The following RSAD2 variants were observed in gnomAD, a reference collection of about 807,000 sequenced individuals.
RSAD2 encodes radical S-adenosyl methionine domain containing 2, also known as S-adenosylmethionine-dependent nucleotide dehydratase RSAD2.
A neutral mutation model predicts 37.7 loss-of-function variants in RSAD2; 38 were observed. The observed-to-expected ratio is 1.01, with a 90% CI of 0.78 to 1.32. The LOEUF is 1.32. Ranked by LOEUF, RSAD2 falls within the 40% of genes most tolerant of loss-of-function variation. The pLI is 0.00. For synonymous variants in RSAD2, 163 were observed against 157.4 expected (o/e 1.04, Z -0.27); for missense variants, 428 against 437.5 (o/e 0.98, Z 0.19).
rs374981029 is a variant in RSAD2 at position 6,893,769 on chromosome 2, G to A, written c.921+66G>A. On this transcript the variant is annotated intron_variant, in intron 5 of 5. Transcript: ENST00000382040. ...ATTAATTAGCAGTAATGGCAGAGTT[G>A]AGTTCCATGAGCATAACTATCTAGT... The A allele has an allele frequency of 1.7e-5, 19 of 1,102,122 alleles. No individual in the cohort carries two copies. In the African/African-American group the frequency reaches 2.2e-4, roughly 13 times the overall value. 68.3% of individuals were successfully genotyped at this position (1,102,122 alleles called of 1,614,324 possible). A position where few individuals can be genotyped will look rare whatever the true frequency, so the allele number is the denominator to read the frequency against.
At chr2:6,890,371 T>A in intron 4 of RSAD2, 46 bp downstream of exon 4, 9 of 1,597,382 alleles carry the variant, frequency 5.6e-6, no homozygotes, top group Non-Finnish European at 7.7e-6. Flanking sequence ...TACATTCAGA[T>A]TGATTCCCAA....
chr2:6,893,764 G>C, intron 5 of RSAD2, 61 bp downstream of exon 5: 3 of 1,205,870 alleles, frequency 2.5e-6, no homozygotes, highest in Non-Finnish European at 3.7e-6. Context: ...AGTAATGGCA[G>C]AGTTGAGTTC....
At chr2:6,890,059 C>G (rs1218412875) in intron 3 of RSAD2, 117 bp from the exon 4 acceptor site, 1 of 928,692 alleles carries the variant, frequency 1.1e-6, no homozygotes, top group Non-Finnish European at 1.6e-6. Flanking sequence ...TAGAATGTTC[C>G]TCAGCTCGTA....
At chr2:6,893,244 C>T (rs1220373337) in intron 4 of RSAD2, among the ~76,000 whole-genome samples, 7 of 78,896 alleles carry the variant, frequency 8.9e-5, no homozygotes, top group African/African-American at 1.1e-4. Context: ...TCAGGTAAAT[C>T]GACCCTTTAG....
rs762752686 is a variant in RSAD2 at position 6,877,881 on chromosome 2, C to T, written c.81C>T (p.Ser27=). 41 of 1,613,966 alleles carry T rather than the reference C, an allele frequency of 2.5e-5. No individual in the cohort carries two copies. The highest frequency in any genetic ancestry group is 3.4e-5 in the Non-Finnish European group (40 of 1,180,032). The change falls in exon 1 of 6, where the codon AGC becomes AGT. Residue 27 remains serine, a synonymous_variant. Coordinates refer to ENST00000382040, the MANE Select transcript of RSAD2 (RefSeq NM_080657.5). ...AACCTCTGAGCTCTCTGTGGAGGAGCCTGGTCCCGCTGTTCTGCTGGCTGA... is the reference window on the plus strand; with the variant it reads ...AACCTCTGAGCTCTCTGTGGAGGAGTCTGGTCCCGCTGTTCTGCTGGCTGA... ...FRQPLSSLWR[S]LVPLFCWLRA... is the part of the protein sequence containing the mutation.
intron 1 of RSAD2, among the ~76,000 whole-genome samples, chr2:6,872,439 A>G (rs1663217258): frequency 6.6e-6 from 1 of 152,184 alleles, no homozygotes; most frequent in South Asian, 2.1e-4. Flanking sequence ...TGAAAATTAG[A>G]GTTGCTAAGA....
chr2:6,876,770 G>T (rs548697650), upstream of RSAD2: 2 of 152,118 alleles, frequency 1.3e-5, no homozygotes, highest in African/African-American at 4.8e-5. Context: ...CTTAAAGTTT[G>T]CCAGGCACTA....
rs1663455868 is a variant in RSAD2 at position 6,883,479 on chromosome 2, T to A, written c.455T>A (p.Val152Glu). Reference protein sequence around the residue: ...FCKVELRLPSVSIVSNGSLIR... With the variant: ...FCKVELRLPSESIVSNGSLIR... ...AAAGTAGAGTTGCGGCTGCCCAGCG[T>A]GAGCATCGTGAGCAATGGAAGCCTG... The change falls in exon 2 of 6, where the codon GTG becomes GAG. Residue 152 changes from valine (V) to glutamate (E), a missense_variant. Physicochemically the swap from Val to Glu is moderately radical, Grantham distance 121 (BLOSUM62 -2). Transcript: ENST00000382040. 6.2e-7 allele frequency: 1 copy of A among 1,614,092 alleles called. No individual in the cohort carries two copies. Among genetic ancestry groups the A allele is most frequent in the Admixed American group, 1.7e-5 (1 of 60,012 alleles).
chr2:6,892,094 A>G (rs575482679), intron 4 of RSAD2, among the ~76,000 whole-genome samples: 186 of 152,340 alleles, frequency 1.2e-3, no homozygotes, highest in South Asian at 2.3e-3. Context: ...AAAATTTTGT[A>G]ACTTAAGTAT....
intron 1 of RSAD2, among the ~76,000 whole-genome samples, chr2:6,866,804 T>G (rs1318791490): frequency 7.4e-6 from 1 of 134,900 alleles, no homozygotes; most frequent in East Asian, 2.2e-4. Context: ...TTGAAAACAT[T>G]AGATGAGCTG....
chr2:6,881,632 A>G (rs1157278145), intron 1 of RSAD2, among the ~76,000 whole-genome samples: 4 of 152,264 alleles, frequency 2.6e-5, no homozygotes, highest in African/African-American at 9.6e-5. Context: ...TAGAGACAAG[A>G]AAGAGGTTTG....
chr2:6,867,275 T>G (rs1663115189), intron 1 of RSAD2, among the ~76,000 whole-genome samples: 1 of 152,136 alleles, frequency 6.6e-6, no homozygotes, highest in Non-Finnish European at 1.5e-5. Context: ...AAGCTGGAGA[T>G]CAAGTTGCCA....
intron 1 of RSAD2, among the ~76,000 whole-genome samples, chr2:6,869,804 C>T (rs893577470): frequency 6.6e-6 from 1 of 152,162 alleles, no homozygotes; most frequent in East Asian, 1.9e-4. Flanking sequence ...AATAGTCCTT[C>T]AAGACGGAGC....
At chr2:6,886,798 T>G in intron 2 of RSAD2, 137 bp from the exon 3 acceptor site, 1 of 616,470 alleles carries the variant, frequency 1.6e-6, no homozygotes, top group Non-Finnish European at 2.8e-6. Flanking sequence ...AATTCATATC[T>G]CAATGAGTTT....
Position 6,896,034 on chromosome 2 carries a change from A to G in RSAD2, c.*92A>G. On this transcript the variant is annotated 3_prime_UTR_variant, in exon 6 of 6. Coordinates refer to ENST00000382040, the MANE Select transcript of RSAD2 (RefSeq NM_080657.5). The stretch of plus-strand genomic sequence containing the variant: ...CAATACTATCCCGTTGGTATTTCCC[A>G]GTGGCTGAAAACCTGATTTTCTGCT... The G allele has an allele frequency of 2.3e-6, 3 of 1,304,816 alleles. No homozygotes were observed. Among genetic ancestry groups the G allele is most frequent in the Non-Finnish European group, 2.1e-6 (2 of 950,292 alleles). The allele number at this position is 1,304,816 out of a possible 1,614,324, so 80.8% of individuals were successfully genotyped here. A position where few individuals can be genotyped will look rare whatever the true frequency, so the allele number is the denominator to read the frequency against.
chr2:6,883,120 C>T (rs968964829), intron 1 of RSAD2, among the ~76,000 whole-genome samples: 4 of 152,174 alleles, frequency 2.6e-5, no homozygotes, highest in African/African-American at 9.7e-5. Flanking sequence ...GGTGCTGCCT[C>T]ATTGTACCCT....
intron 1 of RSAD2, among the ~76,000 whole-genome samples, chr2:6,883,043 G>T (rs371359160): frequency 2.2e-4 from 34 of 152,332 alleles, no homozygotes; most frequent in African/African-American, 7.9e-4. Flanking sequence ...TCATTCTCAG[G>T]CTGGCAGCTG....
intron 5 of RSAD2, among the ~76,000 whole-genome samples, chr2:6,894,725 G>A (rs1007665455): frequency 2.6e-5 from 4 of 152,218 alleles, no homozygotes; most frequent in African/African-American, 7.2e-5. Flanking sequence ...GGGATTCCAG[G>A]TGTGGGCCCC....
intron 1 of RSAD2, among the ~76,000 whole-genome samples, chr2:6,879,766 A>T (rs1663364110): frequency 6.6e-6 from 1 of 152,164 alleles, no homozygotes; most frequent in South Asian, 2.1e-4. Flanking sequence ...CAGGATGTCT[A>T]GAAAGTAATA....
Sources: gnomAD v4.1 joint callset for allele counts (sites outside exome capture counted in the v4.1 genomes callset) on GRCh38, gnomAD v4.1.1 for gene constraint, MANE v1.5 for transcripts, NCBI Gene and HGNC (gene_info 2026-07-23, HGNC 2026-07-21) for gene names.